The following ZHX2 variants were observed in gnomAD, a reference collection of about 807,000 sequenced individuals.
The protein encoded by ZHX2 is zinc fingers and homeoboxes protein 2.
In ZHX2, 6 loss-of-function variants were observed where a neutral mutation model predicts 21.9. That is an observed-to-expected ratio of 0.27 (90% CI 0.15 to 0.54). The LOEUF (loss-of-function observed/expected upper bound fraction) is 0.54. Ranked by LOEUF, ZHX2 falls within the 20% of genes least tolerant of loss-of-function variation. ZHX2 has a pLI of 0.95. For missense variants in ZHX2, 908 were observed against 1,090.7 expected, an observed-to-expected ratio of 0.83 and a Z score of 2.36; for synonymous variants, 434 against 437.1, an observed-to-expected ratio of 0.99 and a Z score of 0.09.
chr8:122,955,078 G>GA lies in ZHX2; in HGVS notation c.*4+1050_*4+1051insA, dbSNP rs1030707669. 1.4e-5 allele frequency among the ~76,000 whole-genome samples: 2 copies of GA among 144,802 alleles called. 1 individual carries two copies. The highest frequency in any genetic ancestry group is 5.2e-5 in the African/African-American group (2 of 38,648). 95.0% of individuals were successfully genotyped at this position (144,802 alleles called of 152,430 possible). On this transcript the variant is annotated intron_variant, in intron 3 of 3. Coordinates refer to ENST00000314393, the MANE Select transcript of ZHX2 (RefSeq NM_014943.5). ...GTAGAGTCACATAAGCCGGGGGGGG[G>GA]GGGGTGGCAGGGCGGTTTCCATGGT... is the stretch of plus-strand genomic sequence containing the variant.
chr8:122,879,042 C>T (rs529377438), intron 2 of ZHX2, among the ~76,000 whole-genome samples: 1 of 152,284 alleles, frequency 6.6e-6, no homozygotes, highest in South Asian at 2.1e-4. Context: ...GGATGTGTTG[C>T]TTCTCCTAAG....
At chr8:122,895,973 A>T (rs1563772420) in intron 2 of ZHX2, among the ~76,000 whole-genome samples, 1 of 152,066 alleles carries the variant, frequency 6.6e-6, no homozygotes, top group Non-Finnish European at 1.5e-5. Context: ...GCAATTCATT[A>T]GGATTACCAT....
At chr8:122,833,135 G>A (rs1818415199) in intron 1 of ZHX2, among the ~76,000 whole-genome samples, 1 of 152,154 alleles carries the variant, frequency 6.6e-6, no homozygotes, top group Non-Finnish European at 1.5e-5. Context: ...TTGTGAAAAA[G>A]GCATTGTTTA....
At chr8:122,934,909 A>T (rs1812641843) in intron 2 of ZHX2, among the ~76,000 whole-genome samples, 1 of 152,092 alleles carries the variant, frequency 6.6e-6, no homozygotes, top group Non-Finnish European at 1.5e-5. Flanking sequence ...GCTAGTCTTG[A>T]ACTCCTGACC....
intron 2 of ZHX2, among the ~76,000 whole-genome samples, chr8:122,929,037 T>C (rs1341066222): frequency 1.3e-5 from 2 of 152,272 alleles, no homozygotes; most frequent in Admixed American, 6.5e-5. Flanking sequence ...ATCAATATTA[T>C]TTGATTCCAC....
At position 122,907,120 on chromosome 8, in the gene ZHX2, A is replaced by C. The variant is rs140132818; in HGVS notation, c.-220+43581A>C. Among the ~76,000 whole-genome samples the C allele has an allele frequency of 7.2e-3, 1,095 of 152,294 alleles. 5 individuals are homozygous for C. Among genetic ancestry groups the C allele is most frequent in the Admixed American group, 0.016 (248 of 15,288 alleles). ...ACCTGAGCCTTAGTTTCCTCATGTG[A>C]ACCTAGAAAATCTGAGTTCTGTTAA... is the stretch of plus-strand genomic sequence containing the variant. On this transcript the variant is annotated intron_variant, in intron 2 of 3. Transcript: ENST00000314393.
intron 1 of ZHX2, among the ~76,000 whole-genome samples, chr8:122,804,042 A>G (rs1214227848): frequency 6.6e-6 from 1 of 152,106 alleles, no homozygotes; most frequent in Non-Finnish European, 1.5e-5. Context: ...TACTGCAGAA[A>G]ACCCATCATC....
At chr8:122,846,615 C>A (rs1818757241) in intron 1 of ZHX2, among the ~76,000 whole-genome samples, 1 of 127,494 alleles carries the variant, frequency 7.8e-6, no homozygotes, top group Admixed American at 8.0e-5. Flanking sequence ...GAAAGTGATT[C>A]TCTTTTTTTT....
intron 2 of ZHX2, among the ~76,000 whole-genome samples, chr8:122,916,001 T>TCTCTCACCCA (rs1189733758): frequency 4.6e-5 from 7 of 152,178 alleles, no homozygotes; most frequent in Non-Finnish European, 1.0e-4. Context: ...CAGCAGACTC[T>TCTCTCACCCA]AGTTCCCGGG....
At chr8:122,945,574 C>T (rs899532742) in intron 2 of ZHX2, among the ~76,000 whole-genome samples, 14 of 151,406 alleles carry the variant, frequency 9.2e-5, no homozygotes, top group African/African-American at 3.2e-4. Context: ...AAAACTGAGT[C>T]GAGATCAAAA....
intron 2 of ZHX2, among the ~76,000 whole-genome samples, chr8:122,948,207 G>A (rs113594288): frequency 0.031 from 4,663 of 152,204 alleles, 76 homozygotes; most frequent in Middle Eastern, 0.13. Context: ...CTTCGCTTTG[G>A]CCTTTATGCC....
At chr8:122,806,117 T>G (rs897037923) in intron 1 of ZHX2, among the ~76,000 whole-genome samples, 1 of 152,208 alleles carries the variant, frequency 6.6e-6, no homozygotes, top group African/African-American at 2.4e-5. Context: ...AATTGCCTTT[T>G]TACTTACCTG....
intron 2 of ZHX2, among the ~76,000 whole-genome samples, chr8:122,929,596 T>C (rs1298917853): frequency 1.3e-5 from 2 of 151,552 alleles, no homozygotes; most frequent in Admixed American, 6.6e-5. Flanking sequence ...TGAGCCAAGA[T>C]TGTGCAACTG....
At chr8:122,872,303 A>G (rs529338864) in intron 2 of ZHX2, among the ~76,000 whole-genome samples, 3 of 152,346 alleles carry the variant, frequency 2.0e-5, no homozygotes, top group East Asian at 1.9e-4. Flanking sequence ...TCACAGAGCT[A>G]CAACTGCCCC....
intron 2 of ZHX2, among the ~76,000 whole-genome samples, chr8:122,887,992 C>T (rs1019241834): frequency 6.6e-6 from 1 of 152,148 alleles, no homozygotes; most frequent in South Asian, 2.1e-4. Flanking sequence ...AGCCTCCTGC[C>T]GTGGGTGGTC....
Position 122,973,525 on chromosome 8 carries a change from G to A in ZHX2, c.*288G>A, listed in dbSNP as rs542589134. On this transcript the variant is annotated 3_prime_UTR_variant, in exon 4 of 4. Coordinates refer to ENST00000314393, the MANE Select transcript of ZHX2 (RefSeq NM_014943.5). ...CTAGCCCTCACCTCTTGCTATACTG[G>A]AACCGATTTGTACAATGTGGGAATT... is the stretch of plus-strand genomic sequence containing the variant. 1.3e-5 allele frequency: 2 copies of A among 152,730 alleles called. No individual in the cohort carries two copies. Among genetic ancestry groups the A allele is most frequent in the Admixed American group, 1.3e-4 (2 of 15,298 alleles). The allele number at this position is 152,730 out of a possible 1,614,324, so 9.5% of individuals were successfully genotyped here.
Position 122,852,745 on chromosome 8 carries a change from C to T in ZHX2, c.-282-10732C>T, listed in dbSNP as rs140047845. ...AGAATGGGACGAGACGGGGCAGAGC[C>T]GAGAATATTACAAAGAAGGGCTAAG... On this transcript the variant is annotated intron_variant, in intron 1 of 3. Transcript: ENST00000314393. 1.7e-4 allele frequency among the ~76,000 whole-genome samples: 26 copies of T among 152,070 alleles called. No homozygotes were observed. In the East Asian group the frequency reaches 4.4e-3, roughly 26 times the overall value.
rs184731017 is a variant in ZHX2 at position 122,952,155 on chromosome 8, C to T, written c.645C>T (p.Thr215=). 38 of 1,613,542 alleles carry T rather than the reference C, an allele frequency of 2.4e-5. No individual in the cohort carries two copies. The highest frequency in any genetic ancestry group is 1.6e-4 in the South Asian group (15 of 91,004). Residue 215 remains threonine, a synonymous_variant, in exon 3 of 4, where the codon ACC becomes ACT. Transcript: ENST00000314393. This position sits in a 1 kb window ranked among gnomAD's most constrained non-coding sequence, Gnocchi z 6.9. ...CCCCCGAGAACCACGTGGAAGGGAC[C>T]GCCCGCCTGGTGACAGACACAGCTG... The part of the protein sequence containing the change: ...EITPENHVEG[T]ARLVTDTAEI...
intron 3 of ZHX2, among the ~76,000 whole-genome samples, chr8:122,959,949 G>A (rs1813403664): frequency 1.3e-5 from 2 of 152,248 alleles, no homozygotes; most frequent in South Asian, 4.2e-4. Context: ...AAGGATGTAG[G>A]TCCCAGGGAG....
Sources: gnomAD v4.1 joint callset for allele counts (sites outside exome capture counted in the v4.1 genomes callset) on GRCh38, gnomAD v4.1.1 for gene constraint, Gnocchi (gnomAD v3.1) non-coding constraint, MANE v1.5 for transcripts, NCBI Gene and HGNC (gene_info 2026-07-23, HGNC 2026-07-21) for gene names.